MTHFD2L: variants seen among roughly 807,000 people sequenced by gnomAD.
The protein encoded by MTHFD2L is methylenetetrahydrofolate dehydrogenase (NADP+ dependent) 2 like.
A neutral mutation model predicts 34.9 loss-of-function variants in MTHFD2L; 29 were observed. That is an observed-to-expected ratio of 0.83 (90% CI 0.62 to 1.13). The LOEUF is 1.13. Ranked by LOEUF, MTHFD2L falls within the 50% of genes most tolerant of loss-of-function variation. The pLI is 0.00. For synonymous variants in MTHFD2L, 167 were observed against 155.7 expected, an observed-to-expected ratio of 1.07 and a Z score of -0.54; for missense variants, 481 against 446.5, an observed-to-expected ratio of 1.08 and a Z score of -0.70.
intron 7 of MTHFD2L, among the ~76,000 whole-genome samples, chr4:74,292,627 T>C (rs1749100033): frequency 6.6e-6 from 1 of 152,126 alleles, no homozygotes; most frequent in Non-Finnish European, 1.5e-5. Flanking sequence ...ATGATGATCT[T>C]GTATTTTTAA....
At chr4:74,197,330 A>C (rs1733656805) in intron 3 of MTHFD2L, among the ~76,000 whole-genome samples, 1 of 152,228 alleles carries the variant, frequency 6.6e-6, no homozygotes, top group African/African-American at 2.4e-5. Context: ...AGTCAGTCAC[A>C]AACAGGAAAT....
chr4:74,257,512 A>G (rs1578637803), intron 6 of MTHFD2L, among the ~76,000 whole-genome samples: 1 of 152,212 alleles, frequency 6.6e-6, no homozygotes, highest in East Asian at 1.9e-4. Flanking sequence ...ACTTTAAGTC[A>G]AAAACTTCAG....
Position 74,281,567 on chromosome 4 carries a change from T to G in MTHFD2L, c.931+17T>G. 6.2e-7 allele frequency: 1 copy of G among 1,601,180 alleles called. No individual in the cohort carries two copies. The highest frequency in any genetic ancestry group is 1.7e-5 in the Admixed American group (1 of 57,162). The stretch of plus-strand genomic sequence containing the variant: ...ACTTCGAAGGTAATAAACCAATATC[T>G]TTTGATAGGTGAAGAAGATAAAAAA... On this transcript the variant is annotated intron_variant, in intron 7 of 7. Transcript: ENST00000325278.
intron 5 of MTHFD2L, among the ~76,000 whole-genome samples, chr4:74,218,428 C>T (rs1261024820): frequency 6.6e-6 from 1 of 152,120 alleles, no homozygotes; most frequent in Non-Finnish European, 1.5e-5. Context: ...TTTCATTCTG[C>T]TCAGAGTGAG....
intron 5 of MTHFD2L, among the ~76,000 whole-genome samples, chr4:74,215,787 G>A (rs1341895889): frequency 6.6e-6 from 1 of 151,754 alleles, no homozygotes; most frequent in African/African-American, 2.4e-5. Context: ...TAAAAATAGA[G>A]CCAAAGACTT....
At chr4:74,114,924 T>C (rs923446426) in intron 2 of MTHFD2L, among the ~76,000 whole-genome samples, 2 of 152,178 alleles carry the variant, frequency 1.3e-5, no homozygotes, top group Non-Finnish European at 2.9e-5. Flanking sequence ...CCTTGATAGA[T>C]GAGGTAACTG....
chr4:74,298,334 A>G (rs1208837712), intron 7 of MTHFD2L, among the ~76,000 whole-genome samples: 1 of 152,092 alleles, frequency 6.6e-6, no homozygotes, highest in Non-Finnish European at 1.5e-5. Context: ...TACCCCTTAC[A>G]TAGCCTGATT....
intron 6 of MTHFD2L, among the ~76,000 whole-genome samples, chr4:74,240,248 A>G (rs1741502458): frequency 1.3e-5 from 2 of 152,232 alleles, no homozygotes; most frequent in Non-Finnish European, 1.5e-5. Flanking sequence ...AGTAAACATA[A>G]GTAAATTTCT....
intron 3 of MTHFD2L, among the ~76,000 whole-genome samples, chr4:74,178,425 T>C (rs1382644901): frequency 1.3e-5 from 2 of 152,088 alleles, no homozygotes; most frequent in Non-Finnish European, 2.9e-5. Flanking sequence ...TTGGATTTTA[T>C]ATCTGTAGAA....
chr4:74,240,051 G>T (rs1741471421), intron 6 of MTHFD2L, among the ~76,000 whole-genome samples: 1 of 152,048 alleles, frequency 6.6e-6, no homozygotes, highest in Non-Finnish European at 1.5e-5. Context: ...ATTCTTGTAG[G>T]TCACTAAGAT....
chr4:74,249,538 T>G (rs1450675546), intron 6 of MTHFD2L, among the ~76,000 whole-genome samples: 1 of 152,182 alleles, frequency 6.6e-6, no homozygotes, highest in Admixed American at 6.5e-5. Context: ...GTTAGCTGGT[T>G]ATTTTGCTCG....
upstream of MTHFD2L, among the ~76,000 whole-genome samples, chr4:74,154,527 T>C (rs1280922170): frequency 6.6e-6 from 1 of 152,160 alleles, no homozygotes; most frequent in East Asian, 1.9e-4. Context: ...ATACTTCGGG[T>C]TATAATCCAA....
At chr4:74,115,923 T>C (rs1277034378) in intron 2 of MTHFD2L, among the ~76,000 whole-genome samples, 2 of 152,136 alleles carry the variant, frequency 1.3e-5, no homozygotes, top group African/African-American at 4.8e-5. Context: ...TAAATTCCAA[T>C]TGAACATGAT....
In MTHFD2L at chr4:74,134,495, G is replaced by A. The variant is rs553486574; in HGVS notation, c.-297+8978G>A. ...TGGCAGTTAAGATTCATAAGCAACT[G>A]TATTCAATAAAAACCAAACCAAACT... On this transcript the variant is annotated intron_variant, in intron 1 of 7. Coordinates refer to the MTHFD2L transcript ENST00000433372. 5.3e-5 allele frequency among the ~76,000 whole-genome samples: 8 copies of A among 152,100 alleles called. No individual in the cohort carries two copies. The East Asian group carries it at 1.5e-3, about 29-fold the overall frequency.
At chr4:74,200,107 A>G (rs902804688) in intron 4 of MTHFD2L, among the ~76,000 whole-genome samples, 161 bp downstream of exon 4, 1 of 152,098 alleles carries the variant, frequency 6.6e-6, no homozygotes, top group African/African-American at 2.4e-5. Flanking sequence ...AAGTCAAAAC[A>G]TAATACAATC....
intron 1 of MTHFD2L, among the ~76,000 whole-genome samples, chr4:74,127,014 A>G (rs1179714333): frequency 6.6e-6 from 1 of 152,102 alleles, no homozygotes; most frequent in Non-Finnish European, 1.5e-5. Context: ...TGGTTTTACA[A>G]GAGGCTTCCC....
chr4:74,263,640 T>G (rs1744949906), intron 6 of MTHFD2L, among the ~76,000 whole-genome samples: 1 of 151,920 alleles, frequency 6.6e-6, no homozygotes, highest in Non-Finnish European at 1.5e-5. Flanking sequence ...ACTGGTGTTG[T>G]TATATAGGAA....
At position 74,225,338 on chromosome 4, in the gene MTHFD2L, C is replaced by A. The variant is rs757494133; in HGVS notation, c.749C>A (p.Pro250His). Residue 250 changes from proline to histidine, a missense_variant, in exon 6 of 8, where the codon CCC becomes CAC. Transcript: ENST00000325278. ...GTGACAATAGCTCACAGATACACCC[C>A]CAAAGAGCAACTGAAGATTCATACG... is the stretch of plus-strand genomic sequence containing the variant. ...ATVTIAHRYT[P>H]KEQLKIHTQL... 1 of 1,613,096 alleles carries A rather than the reference C, an allele frequency of 6.2e-7. No homozygotes were observed. Among genetic ancestry groups the A allele is most frequent in the Non-Finnish European group, 8.5e-7 (1 of 1,179,356 alleles).
chr4:74,224,595 G>T (rs1478131732), intron 5 of MTHFD2L, among the ~76,000 whole-genome samples: 3 of 151,936 alleles, frequency 2.0e-5, no homozygotes, highest in Non-Finnish European at 4.4e-5. Flanking sequence ...CTCCTTTCAT[G>T]GCTCACACTT....
Sources: gnomAD v4.1 joint callset for allele counts (sites outside exome capture counted in the v4.1 genomes callset) on GRCh38, gnomAD v4.1.1 for gene constraint, MANE v1.5 for transcripts, NCBI Gene and HGNC (gene_info 2026-07-23, HGNC 2026-07-21) for gene names.